Variants in SLC4A4 observed in about 807,000 individuals in gnomAD.
The protein encoded by SLC4A4 is electrogenic sodium bicarbonate cotransporter 1.
In SLC4A4, 27 loss-of-function variants were observed where a neutral mutation model predicts 111.5. The ratio of observed to expected loss-of-function variants is 0.24; its 90% CI spans 0.18 to 0.33. The LOEUF (loss-of-function observed/expected upper bound fraction) is 0.33, where lower values mean the gene tolerates loss of function less well. SLC4A4 is among the 10% of genes least tolerant of loss of function. SLC4A4 has a pLI of 1.00. For synonymous variants in SLC4A4, 443 were observed against 463.4 expected (o/e 0.96, Z 0.57); for missense variants, 909 against 1,315.5 (o/e 0.69, Z 4.78).
At chr4:71,132,486 G>A (rs985324704) in intron 2 of SLC4A4, among the ~76,000 whole-genome samples, 5 of 152,164 alleles carry the variant, frequency 3.3e-5, no homozygotes, top group Non-Finnish European at 7.3e-5. Flanking sequence ...TTAGCTGGAT[G>A]GATACTACCT....
intron 7 of SLC4A4, among the ~76,000 whole-genome samples, chr4:71,406,445 GTTC>G (rs1181555552): frequency 1.3e-5 from 2 of 151,934 alleles, no homozygotes; most frequent in African/African-American, 4.8e-5. Context: ...AGTTTTTCCT[GTTC>G]TTCTTTAGAA....
intron 8 of SLC4A4, among the ~76,000 whole-genome samples, chr4:71,443,519 G>A (rs1311563800): frequency 6.6e-6 from 1 of 152,024 alleles, no homozygotes; most frequent in Non-Finnish European, 1.5e-5. Flanking sequence ...GAGAGATGAA[G>A]GCAAAGGGAA....
chr4:71,242,352 G>T (rs1422731148), intron 2 of SLC4A4, among the ~76,000 whole-genome samples: 1 of 152,084 alleles, frequency 6.6e-6, no homozygotes, highest in Non-Finnish European at 1.5e-5. Context: ...TATTTATTTT[G>T]GGGAGTCTCT....
intron 14 of SLC4A4, among the ~76,000 whole-genome samples, chr4:71,477,515 C>T (rs1728477486): frequency 6.6e-6 from 1 of 151,008 alleles, no homozygotes; most frequent in Admixed American, 6.6e-5. Context: ...GCTGTATTTA[C>T]AAAAAAAAGT....
chr4:71,174,256 T>TA (rs1491105553), intron 2 of SLC4A4, among the ~76,000 whole-genome samples: 2 of 105,972 alleles, frequency 1.9e-5, no homozygotes, highest in African/African-American at 9.5e-5. Context: ...CACACCACAC[T>TA]TTTTTTTTTT....
chr4:71,544,314 G>A (rs1208087994), intron 18 of SLC4A4, among the ~76,000 whole-genome samples: 1 of 152,010 alleles, frequency 6.6e-6, no homozygotes, highest in African/African-American at 2.4e-5. Flanking sequence ...AAGAGTAGAG[G>A]TTATTCCGGG....
intron 1 of SLC4A4, among the ~76,000 whole-genome samples, chr4:71,188,247 G>A (rs1307910462): frequency 2.6e-5 from 4 of 152,164 alleles, no homozygotes. Context: ...ACTTGAACTT[G>A]ACGTGAAAGA....
chr4:71,293,921 A>C (rs1348612506), intron 3 of SLC4A4, among the ~76,000 whole-genome samples: 1 of 152,200 alleles, frequency 6.6e-6, no homozygotes, highest in East Asian at 1.9e-4. Flanking sequence ...AATCAGCAGG[A>C]AGGGTGAGTT....
chr4:71,142,266 T>C (rs981549817), intron 2 of SLC4A4, among the ~76,000 whole-genome samples: 1 of 152,230 alleles, frequency 6.6e-6, no homozygotes, highest in African/African-American at 2.4e-5. Context: ...AGCCGCTTTC[T>C]TTTACTAAAA....
At chr4:71,549,815 C>T (rs925590978) in intron 20 of SLC4A4, among the ~76,000 whole-genome samples, 4 of 151,756 alleles carry the variant, frequency 2.6e-5, no homozygotes, top group African/African-American at 7.3e-5. Flanking sequence ...ATTTTCTCAC[C>T]CTGCACCCAA....
chr4:71,339,494 G>C lies in SLC4A4; in HGVS notation c.378G>C (p.Lys126Asn). ...TGGATGGGCAGGAGATGGAGTGGAA[G>C]GAAACAGCCAGGTGAGGCATAGCTG... ...LAVDGQEMEWKETARWIKFEE... is the reference protein window; with the variant it reads ...LAVDGQEMEWNETARWIKFEE... Residue 126 changes from lysine to asparagine, a missense_variant, in exon 4 of 26, where the codon AAG becomes AAC. Physicochemically the swap from Lys to Asn is moderately conservative, Grantham distance 94 (BLOSUM62 0). Around this residue, in one of 7 missense-constraint regions of SLC4A4, gnomAD observed 117 missense variants for 154.2 expected, o/e 0.76. Transcript: ENST00000264485. 1 of 1,613,494 alleles carries C rather than the reference G, an allele frequency of 6.2e-7. No individual in the cohort carries two copies. Among genetic ancestry groups the C allele is most frequent in the Non-Finnish European group, 8.5e-7 (1 of 1,180,036 alleles).
intron 20 of SLC4A4, among the ~76,000 whole-genome samples, chr4:71,551,376 G>T (rs150066871): frequency 2.6e-5 from 4 of 151,880 alleles, no homozygotes; most frequent in African/African-American, 9.6e-5. Context: ...TTTGTTCAGT[G>T]CCAGGGAAAG....
chr4:71,121,117 T>C (rs1350632057), intron 2 of SLC4A4, among the ~76,000 whole-genome samples: 1 of 152,072 alleles, frequency 6.6e-6, no homozygotes, highest in African/African-American at 2.4e-5. Context: ...TAGGGCTGGC[T>C]GGCCCGCCGC....
intron 3 of SLC4A4, among the ~76,000 whole-genome samples, chr4:71,277,409 T>A (rs975226557): frequency 1.3e-5 from 2 of 152,144 alleles, no homozygotes; most frequent in African/African-American, 4.8e-5. Flanking sequence ...GTGTTGAGTA[T>A]CTTTTTTGCC....
At chr4:71,408,134 T>A (rs1721041279) in intron 7 of SLC4A4, among the ~76,000 whole-genome samples, 1 of 152,172 alleles carries the variant, frequency 6.6e-6, no homozygotes, top group Non-Finnish European at 1.5e-5. Context: ...TATATCAGTC[T>A]TTTTTCACTG....
intron 18 of SLC4A4, among the ~76,000 whole-genome samples, chr4:71,540,649 A>T (rs1362035417): frequency 6.6e-6 from 1 of 152,148 alleles, no homozygotes; most frequent in Non-Finnish European, 1.5e-5. Context: ...GATTTTCCCT[A>T]TTCACCACCT....
intron 3 of SLC4A4, among the ~76,000 whole-genome samples, chr4:71,333,120 G>T (rs1470656794): frequency 1.3e-5 from 2 of 152,184 alleles, no homozygotes; most frequent in Non-Finnish European, 2.9e-5. Flanking sequence ...GGTATTTATT[G>T]TAGTCTTTAC....
At chr4:71,108,011 T>A (rs996797319) in intron 2 of SLC4A4, among the ~76,000 whole-genome samples, 1 of 152,190 alleles carries the variant, frequency 6.6e-6, no homozygotes, top group Admixed American at 6.5e-5. Context: ...CACTCTAATT[T>A]AAATTTATAC....
At chr4:71,509,257 A>G (rs1578074809) in intron 16 of SLC4A4, among the ~76,000 whole-genome samples, 1 of 152,210 alleles carries the variant, frequency 6.6e-6, no homozygotes, top group Non-Finnish European at 1.5e-5. Flanking sequence ...GGCCAGGGCA[A>G]TCAGGCAAGA....
Sources: gnomAD v4.1 joint callset for allele counts (sites outside exome capture counted in the v4.1 genomes callset) on GRCh38, gnomAD v4.1.1 for gene constraint, gnomAD v4.1.1 regional missense constraint, MANE v1.5 for transcripts, NCBI Gene and HGNC (gene_info 2026-07-23, HGNC 2026-07-21) for gene names.